HOMER2: variants seen among roughly 807,000 people sequenced by gnomAD.
The protein encoded by HOMER2 is homer scaffold protein 2, also known as homer protein homolog 2.
HOMER2 carries 27 observed loss-of-function variants against 47.0 expected under a neutral mutation model. The ratio of observed to expected loss-of-function variants is 0.57; its 90% CI spans 0.42 to 0.79. HOMER2 has a LOEUF of 0.79. Among genes scored for constraint, HOMER2 ranks in the 30% least tolerant of loss-of-function variants. HOMER2 has a pLI of 0.00. For synonymous variants in HOMER2, 161 were observed against 163.8 expected (o/e 0.98, Z 0.13); for missense variants, 443 against 435.0 (o/e 1.02, Z -0.16).
intron 1 of HOMER2, among the ~76,000 whole-genome samples, chr15:82,908,909 T>C (rs1410434637): frequency 6.6e-6 from 1 of 152,004 alleles, no homozygotes; most frequent in Non-Finnish European, 1.5e-5. Context: ...GTATTTCTTT[T>C]TGGGGTGACT....
At chr15:82,854,828 C>T (rs756574277) in intron 5 of HOMER2, 28 bp from the exon 6 acceptor site, 37 of 1,596,286 alleles carry the variant, frequency 2.3e-5, no homozygotes, top group African/African-American at 1.7e-4. Context: ...GCGGTGACGA[C>T]GGGGTGGGTG....
At chr15:82,893,750 T>C (rs2052806708) in intron 1 of HOMER2, among the ~76,000 whole-genome samples, 1 of 151,722 alleles carries the variant, frequency 6.6e-6, no homozygotes, top group African/African-American at 2.4e-5. Flanking sequence ...GCCTCCCAAG[T>C]AGCTAGGACT....
chr15:82,896,889 C>T (rs1474078741), intron 1 of HOMER2, among the ~76,000 whole-genome samples: 1 of 152,090 alleles, frequency 6.6e-6, no homozygotes, highest in Non-Finnish European at 1.5e-5. Context: ...AGAAGAAAAG[C>T]TCGTAGCTGA....
chr15:82,866,982 GAACA>G (rs2051989501), intron 3 of HOMER2, among the ~76,000 whole-genome samples: 2 of 152,252 alleles, frequency 1.3e-5, no homozygotes, highest in South Asian at 4.1e-4. Flanking sequence ...TGATGGAACA[GAACA>G]AACAGGTGAG....
At chr15:82,945,828 G>T (rs994137194) in intron 1 of HOMER2, among the ~76,000 whole-genome samples, 3 of 151,994 alleles carry the variant, frequency 2.0e-5, no homozygotes, top group South Asian at 4.1e-4. Context: ...AAATTAGCCG[G>T]GTGTGGTGGC....
chr15:82,849,838 CT>C lies in HOMER2; in HGVS notation c.908del (p.Glu303GlyfsTer9). 1 of 1,614,030 alleles carries C rather than the reference CT, an allele frequency of 6.2e-7. No individual in the cohort carries two copies. The highest frequency in any genetic ancestry group is 1.1e-5 in the South Asian group (1 of 91,078). On this transcript the variant is annotated frameshift_variant, in exon 9 of 9. Transcript: ENST00000450735. LOFTEE classifies it high-confidence loss of function. Reference protein sequence around the residue: ...KVRSLKTDIEESKYRQRHLKV... With the variant: ...KVRSLKTDIEXSKYRQRHLKV... ...TCAGGTGGCGCTGTCGGTATTTGCTCTCCTCAATGTCTGTCTTTAAGGAACG... is the reference window on the plus strand; with the variant it reads ...TCAGGTGGCGCTGTCGGTATTTGCTCCCTCAATGTCTGTCTTTAAGGAACG...
intron 4 of HOMER2, among the ~76,000 whole-genome samples, chr15:82,861,027 AAGAG>A (rs140737068): frequency 2.0e-5 from 3 of 150,930 alleles, no homozygotes; most frequent in African/African-American, 7.4e-5. Context: ...AAAAGAAAAA[AAGAG>A]AAGAGAAAAG....
chr15:82,877,694 T>C lies in HOMER2; in HGVS notation c.163-2290A>G, dbSNP rs183640053. Among the ~76,000 whole-genome samples the C allele has an allele frequency of 9.3e-4, 142 of 152,322 alleles. 1 individual carries two copies. Among genetic ancestry groups the C allele is most frequent in the African/African-American group, 3.0e-3 (125 of 41,566 alleles). Reference sequence around the variant, plus strand: ...TCATGTGCTACGGTCCAGCTGACTTTTCCTTTCTTTATAATAACCCTTCCA... The same window carrying C: ...TCATGTGCTACGGTCCAGCTGACTTCTCCTTTCTTTATAATAACCCTTCCA... On this transcript the variant is annotated intron_variant, in intron 2 of 8. Coordinates refer to ENST00000450735, the MANE Select transcript of HOMER2 (RefSeq NM_004839.4).
At chr15:82,939,865 C>T (rs1474773406) in intron 1 of HOMER2, among the ~76,000 whole-genome samples, 1 of 152,052 alleles carries the variant, frequency 6.6e-6, no homozygotes, top group African/African-American at 2.4e-5. Flanking sequence ...GGCACATATA[C>T]ACCATGGAAT....
At chr15:82,841,867 T>C (rs992149234) in exon 2 of HOMER2, 5 of 152,184 alleles carry the variant, frequency 3.3e-5, no homozygotes, top group African/African-American at 9.6e-5. Context: ...GGAAGATCTA[T>C]TGCAAAGAGA....
chr15:82,910,671 G>T (rs183101971), intron 1 of HOMER2, among the ~76,000 whole-genome samples: 1 of 152,320 alleles, frequency 6.6e-6, no homozygotes, highest in East Asian at 1.9e-4. Flanking sequence ...TAATTTCCCA[G>T]ATAAGGAGTT....
At chr15:82,956,261 G>A (rs930702550), upstream of HOMER2, among the ~76,000 whole-genome samples, 2 of 146,772 alleles carry the variant, frequency 1.4e-5, no homozygotes, top group African/African-American at 2.5e-5. Flanking sequence ...AAAAAAAGAA[G>A]AGGCTTGAAG....
chr15:82,866,886 C>A (rs1434949715), intron 3 of HOMER2, among the ~76,000 whole-genome samples: 1 of 152,130 alleles, frequency 6.6e-6, no homozygotes, highest in Non-Finnish European at 1.5e-5. Context: ...ATATCTTTAT[C>A]AGCAGCGTGA....
At chr15:82,935,573 C>G (rs2054123857) in intron 1 of HOMER2, among the ~76,000 whole-genome samples, 1 of 152,150 alleles carries the variant, frequency 6.6e-6, no homozygotes, top group South Asian at 2.1e-4. Flanking sequence ...CCTCCACTCA[C>G]CCCCTCAACC....
At chr15:82,899,448 A>G (rs2053040943) in intron 1 of HOMER2, among the ~76,000 whole-genome samples, 1 of 152,216 alleles carries the variant, frequency 6.6e-6, no homozygotes, top group Admixed American at 6.5e-5. Flanking sequence ...CAGAACCCAG[A>G]ACAGAGAACT....
chr15:82,948,548 G>C (rs1359035556), intron 1 of HOMER2, among the ~76,000 whole-genome samples: 1 of 152,220 alleles, frequency 6.6e-6, no homozygotes. Flanking sequence ...GGGTGACAGA[G>C]GGAGACTCTG....
At chr15:82,848,803 G>T (rs1340088975), downstream of HOMER2, among the ~76,000 whole-genome samples, 1 of 152,176 alleles carries the variant, frequency 6.6e-6, no homozygotes, top group Non-Finnish European at 1.5e-5. Context: ...CCTGAGACCA[G>T]CTCCTGCTGC....
chr15:82,848,220 A>G (rs973776000), downstream of HOMER2, among the ~76,000 whole-genome samples: 2 of 152,124 alleles, frequency 1.3e-5, no homozygotes, highest in Non-Finnish European at 2.9e-5. Flanking sequence ...TTCGGACCCC[A>G]TCTCCCTCCT....
upstream of HOMER2, among the ~76,000 whole-genome samples, chr15:82,957,029 C>T (rs1012269923): frequency 1.3e-5 from 2 of 152,162 alleles, no homozygotes; most frequent in African/African-American, 2.4e-5. Context: ...GTAATCCTAG[C>T]ACTTTGGGAG....
Sources: allele counts gnomAD v4.1 joint callset (sites outside exome capture counted in the v4.1 genomes callset), GRCh38; gene constraint gnomAD v4.1.1; transcripts MANE v1.5; gene names NCBI Gene and HGNC (gene_info 2026-07-23, HGNC 2026-07-21).